TNFSF15: variants seen among roughly 807,000 people sequenced by gnomAD.
TNFSF15 encodes the protein TNF superfamily member 15.
TNFSF15 carries 15 observed loss-of-function variants against 26.4 expected under a neutral mutation model. The ratio of observed to expected loss-of-function variants is 0.57; its 90% CI spans 0.38 to 0.87. The LOEUF (loss-of-function observed/expected upper bound fraction) is 0.87. Ranked by LOEUF, TNFSF15 falls within the 40% of genes least tolerant of loss-of-function variation. The pLI, the probability that TNFSF15 is intolerant of heterozygous loss-of-function variation, is 0.00. For synonymous variants in TNFSF15, 116 were observed against 115.0 expected (o/e 1.01, Z -0.06); for missense variants, 290 against 306.1 (o/e 0.95, Z 0.39).
intron 1 of TNFSF15, among the ~76,000 whole-genome samples, chr9:114,801,906 T>C (rs970155280): frequency 2.0e-5 from 3 of 152,250 alleles, no homozygotes; most frequent in Admixed American, 6.5e-5. Context: ...CACCCAGTTT[T>C]CTACCAGGAT....
intron 1 of TNFSF15, among the ~76,000 whole-genome samples, chr9:114,800,470 T>C (rs1346993175): frequency 6.6e-6 from 1 of 152,174 alleles, no homozygotes; most frequent in African/African-American, 2.4e-5. Context: ...GAATACTTGG[T>C]TGGACTTATT....
Position 114,795,301 on chromosome 9 carries a change from A to C in TNFSF15, c.211-1733T>G, listed in dbSNP as rs56026509. Among the ~76,000 whole-genome samples, 117 of 152,330 alleles carry C rather than the reference A, an allele frequency of 7.7e-4. 1 individual carries two copies. Among genetic ancestry groups the C allele is most frequent in the East Asian group, 7.1e-3 (37 of 5,194 alleles). On this transcript the variant is annotated intron_variant, in intron 1 of 3. Coordinates refer to ENST00000374045, the MANE Select transcript of TNFSF15 (RefSeq NM_005118.4). ...CTACACAGTCTCCTCTAATAGAGTG[A>C]TCCTCTTATTATATGAACACTTGAT... is the stretch of plus-strand genomic sequence containing the variant.
At chr9:114,800,590 C>T (rs1829732975) in intron 1 of TNFSF15, among the ~76,000 whole-genome samples, 1 of 152,172 alleles carries the variant, frequency 6.6e-6, no homozygotes, top group South Asian at 2.1e-4. Flanking sequence ...TTCCAAACCT[C>T]AGCTTCATCA....
rs140689831 is a variant in TNFSF15 at position 114,805,986 on chromosome 9, A to C, written c.27T>G (p.Phe9Leu). Residue 9 changes from phenylalanine to leucine, a missense_variant, in exon 1 of 4, where the codon TTT (phenylalanine) becomes TTG (leucine). Phe to Leu is a conservative substitution (Grantham distance 22). Coordinates refer to ENST00000374045, the MANE Select transcript of TNFSF15 (RefSeq NM_005118.4). ...GCATTTCCACACTGGCTGTTTCCCC[A>C]AAGCTCAGTCCCAGATCCTCGGCCA... MAEDLGLS[F>L]GETASVEMLP... 9.3e-6 allele frequency: 15 copies of C among 1,614,020 alleles called. No homozygotes were observed. The highest frequency in any genetic ancestry group is 1.3e-5 in the Non-Finnish European group (15 of 1,180,016).
Position 114,785,747 on chromosome 9 carries a change from C to T in TNFSF15, c.*4705G>A, listed in dbSNP as rs1829490505. ...GGGGAGCTACAGTAGAAGTCTCCTCCCACTTCCATGTTGTCCTACAGGTGT... is the reference window on the plus strand; with the variant it reads ...GGGGAGCTACAGTAGAAGTCTCCTCTCACTTCCATGTTGTCCTACAGGTGT... On this transcript the variant is annotated 3_prime_UTR_variant, in exon 4 of 4. Coordinates refer to ENST00000374045, the MANE Select transcript of TNFSF15 (RefSeq NM_005118.4). 1 of 152,182 alleles carries T rather than the reference C, an allele frequency of 6.6e-6. No homozygotes were observed. Among genetic ancestry groups the T allele is most frequent in the African/African-American group, 2.4e-5 (1 of 41,430 alleles). 9.4% of individuals were successfully genotyped at this position (152,182 alleles called of 1,614,324 possible). A position where few individuals can be genotyped will look rare whatever the true frequency, so the allele number is the denominator to read the frequency against.
Position 114,784,736 on chromosome 9 carries a change from A to G in TNFSF15, c.*5716T>C, listed in dbSNP as rs1829469090. ...ATTTCATTTACAGAGATTAGAATTC[A>G]TACACTAGTACCCAAAGACATGGGA... On this transcript the variant is annotated 3_prime_UTR_variant, in exon 4 of 4. Transcript: ENST00000374045. The G allele has an allele frequency of 6.6e-6, 1 of 152,240 alleles. No individual in the cohort carries two copies. The highest frequency in any genetic ancestry group is 2.4e-5 in the African/African-American group (1 of 41,458). 9.4% of individuals were successfully genotyped at this position (152,240 alleles called of 1,614,324 possible).
rs559040751 is a variant in TNFSF15 at position 114,802,313 on chromosome 9, C to T, written c.210+3490G>A. Among the ~76,000 whole-genome samples the T allele has an allele frequency of 1.5e-4, 23 of 152,206 alleles. No individual in the cohort carries two copies. In the South Asian group the frequency reaches 3.7e-3, roughly 25 times the overall value. On this transcript the variant is annotated intron_variant, in intron 1 of 3. Transcript: ENST00000374045. Reference sequence around the variant, plus strand: ...TGTCACCCAGGCTGGAGTGAGCTGGCGTGATCTCAGCTCACTGCAACCTCC... The same window carrying T: ...TGTCACCCAGGCTGGAGTGAGCTGGTGTGATCTCAGCTCACTGCAACCTCC...
rs1342602621 is a variant in TNFSF15, at chr9:114,785,181, T to G, written c.*5271A>C. On this transcript the variant is annotated 3_prime_UTR_variant, in exon 4 of 4. Transcript: ENST00000374045. ...TATTGTTAAGATATCTAAATTCTAC[T>G]TTTAGCATCCAACTAGCTACTGTCT... 1.3e-5 allele frequency: 2 copies of G among 152,254 alleles called. No individual in the cohort carries two copies. Among genetic ancestry groups the G allele is most frequent in the Non-Finnish European group, 2.9e-5 (2 of 68,050 alleles). The allele number at this position is 152,254 out of a possible 1,614,324, so 9.4% of individuals were successfully genotyped here.
intron 1 of TNFSF15, among the ~76,000 whole-genome samples, chr9:114,795,660 G>A (rs1398817288): frequency 2.6e-5 from 4 of 152,278 alleles, no homozygotes; most frequent in African/African-American, 7.2e-5. Context: ...TGTCCATGGG[G>A]GTCTTGAAAT....
chr9:114,797,912 C>T (rs942369632), intron 1 of TNFSF15, among the ~76,000 whole-genome samples: 10 of 152,190 alleles, frequency 6.6e-5, no homozygotes, highest in African/African-American at 2.4e-4. Flanking sequence ...ATTCCTAGTG[C>T]CTCAGTCAGT....
chr9:114,803,986 A>G (rs2131308271), intron 1 of TNFSF15, among the ~76,000 whole-genome samples: 1 of 152,264 alleles, frequency 6.6e-6, no homozygotes, highest in East Asian at 1.9e-4. Flanking sequence ...ATATTCTTCT[A>G]CAAATGCACT....
rs770536292 is a variant in TNFSF15, at chr9:114,790,725, C to T, written c.483G>A (p.Glu161=). 3.1e-6 allele frequency: 5 copies of T among 1,614,076 alleles called. No homozygotes were observed. The Admixed American group carries it at 6.7e-5, about 22-fold the overall frequency. ...GGCCTGCTTGTCTGATTTCACTGCACTCAGAGGTCATCCCACGGAATGTGA... is the reference window on the plus strand; with the variant it reads ...GGCCTGCTTGTCTGATTTCACTGCATTCAGAGGTCATCCCACGGAATGTGA... ...SQVTFRGMTS[E]CSEIRQAGRP... is the part of the protein sequence containing the mutation. The change falls in exon 4 of 4, where the codon GAG becomes GAA. Residue 161 remains glutamate, a synonymous_variant. Transcript: ENST00000374045.
chr9:114,802,366 A>T (rs1587902250), intron 1 of TNFSF15, among the ~76,000 whole-genome samples: 1 of 151,942 alleles, frequency 6.6e-6, no homozygotes, highest in East Asian at 1.9e-4. Context: ...GATTATCCTG[A>T]CTCAGCCTCC....
intron 1 of TNFSF15, among the ~76,000 whole-genome samples, chr9:114,795,080 G>T (rs1829657535): frequency 6.6e-6 from 1 of 152,044 alleles, no homozygotes; most frequent in South Asian, 2.1e-4. Flanking sequence ...AATACTCAAA[G>T]TGATGGATAC....
At position 114,789,109 on chromosome 9, in the gene TNFSF15, C is replaced by T. The variant is rs1829550433; in HGVS notation, c.*1343G>A. On this transcript the variant is annotated 3_prime_UTR_variant, in exon 4 of 4. Transcript: ENST00000374045. ...TGATTGACTTCTTTTTTCCCTTCCCCCATGGAATAAGTCCATTGTCTCTCA... is the reference window on the plus strand; with the variant it reads ...TGATTGACTTCTTTTTTCCCTTCCCTCATGGAATAAGTCCATTGTCTCTCA... 6.6e-6 allele frequency: 1 copy of T among 152,184 alleles called. No individual in the cohort carries two copies. Among genetic ancestry groups the T allele is most frequent in the Admixed American group, 6.5e-5 (1 of 15,292 alleles). The allele number at this position is 152,184 out of a possible 1,614,324, so 9.4% of individuals were successfully genotyped here.
intron 1 of TNFSF15, among the ~76,000 whole-genome samples, chr9:114,800,321 GA>G (rs932021074): frequency 1.1e-4 from 17 of 152,114 alleles, no homozygotes. Flanking sequence ...CCTCCATCCA[GA>G]AAACACTTAG....
chr9:114,804,138 C>T (rs1000710422), intron 1 of TNFSF15, among the ~76,000 whole-genome samples: 3 of 152,190 alleles, frequency 2.0e-5, no homozygotes, highest in Non-Finnish European at 4.4e-5. Context: ...CATCCCCACA[C>T]ATCTGCTCTC....
At position 114,793,567 on chromosome 9, in the gene TNFSF15, G is replaced by A. The variant is rs1829637339; in HGVS notation, c.212C>T (p.Ala71Val). 5 of 1,613,800 alleles carry A rather than the reference G, an allele frequency of 3.1e-6. No individual in the cohort carries two copies. Among genetic ancestry groups the A allele is most frequent in the East Asian group, 2.2e-5 (1 of 44,876 alleles). ...AGGTGCAAACTCCTGTCCTTTTAGA[G>A]CCTATTGGGAAAGAAAGTATAGTTT... ...AQGEACVQFQ[A>V]LKGQEFAPSH... The change falls in exon 2 of 4, where the codon GCT (alanine) becomes GTT (valine). Residue 71 changes from alanine to valine, a missense_variant and splice_region_variant. Ala to Val is a moderately conservative substitution (Grantham distance 64). Around this residue, in one of 3 missense-constraint regions of TNFSF15, gnomAD observed 179 missense variants for 165.9 expected, o/e 1.08. Transcript: ENST00000374045.
intron 3 of TNFSF15, chr9:114,792,175 G>T: frequency 1.8e-6 from 1 of 545,114 alleles, no homozygotes. Flanking sequence ...TTCATCAACA[G>T]ATGAATAGAT....
Sources: allele counts gnomAD v4.1 joint callset (sites outside exome capture counted in the v4.1 genomes callset), GRCh38; gene constraint gnomAD v4.1.1; regional missense constraint gnomAD v4.1.1; transcripts MANE v1.5; gene names NCBI Gene and HGNC (gene_info 2026-07-23, HGNC 2026-07-21).